MRPL18: variants seen among roughly 807,000 people sequenced by gnomAD.
The protein encoded by MRPL18 is large ribosomal subunit protein uL18m.
Under a neutral mutation model 20.9 loss-of-function variants are expected in MRPL18, and 16 were observed. The ratio of observed to expected loss-of-function variants is 0.76; its 90% CI spans 0.52 to 1.16. The LOEUF (loss-of-function observed/expected upper bound fraction) is 1.16, where lower values mean the gene tolerates loss of function less well. Ranked by LOEUF, MRPL18 falls within the 50% of genes most tolerant of loss-of-function variation. MRPL18 has a pLI of 0.00. For missense variants in MRPL18, 233 were observed against 230.6 expected (o/e 1.01, Z -0.07); for synonymous variants, 91 against 87.1 (o/e 1.04, Z -0.25).
chr6:159,797,430 T>C lies in MRPL18; in HGVS notation c.383T>C (p.Ile128Thr). The stretch of plus-strand genomic sequence containing the variant: ...AGAAATGTGGTGGCTTGTGAGAGTA[T>C]AGGACGAGTGCTGGCACAGAGATGC... ...STRNVVACES[I>T]GRVLAQRCLE... Residue 128 changes from isoleucine to threonine, a missense_variant, in exon 3 of 4, where the codon ATA (isoleucine) becomes ACA (threonine). Physicochemically the swap from Ile to Thr is moderately conservative, Grantham distance 89. Coordinates refer to ENST00000367034, the MANE Select transcript of MRPL18 (RefSeq NM_014161.5). The C allele has an allele frequency of 1.2e-6, 2 of 1,614,148 alleles. No homozygotes were observed. The highest frequency in any genetic ancestry group is 1.7e-6 in the Non-Finnish European group (2 of 1,180,022).
chr6:159,790,598 G>C lies in MRPL18; in HGVS notation c.11G>C (p.Arg4Pro). 6.5e-7 allele frequency: 1 copy of C among 1,546,572 alleles called. No individual in the cohort carries two copies. The highest frequency in any genetic ancestry group is 8.7e-7 in the Non-Finnish European group (1 of 1,145,804). Residue 4 changes from arginine (R) to proline (P), a missense_variant, in exon 1 of 4, where the codon CGG (arginine) becomes CCG (proline). Arg to Pro is a moderately radical substitution (Grantham distance 103). Coordinates refer to ENST00000367034, the MANE Select transcript of MRPL18 (RefSeq NM_014161.5). ...GAGATCGTCTCAGCGATGGCGCTTC[G>C]GTCGCGGTTTTGGGGGTTGTTCTCG... is the stretch of plus-strand genomic sequence containing the variant. MAL[R>P]SRFWGLFSVC...
chr6:159,790,408 CTT>C, upstream of MRPL18: 1 of 721,062 alleles, frequency 1.4e-6, no homozygotes, highest in Non-Finnish European at 2.3e-6. Flanking sequence ...AACAGATCGC[CTT>C]CTCGGCCACT....
intron 2 of MRPL18, among the ~76,000 whole-genome samples, chr6:159,796,681 G>T (rs1781036619): frequency 6.6e-6 from 1 of 152,118 alleles, no homozygotes; most frequent in Non-Finnish European, 1.5e-5. Context: ...CTACTTGGGA[G>T]ACTAAGGCAG....
intron 2 of MRPL18, among the ~76,000 whole-genome samples, chr6:159,795,452 TCTTAACGAGCATG>T (rs201793535): frequency 0.22 from 33,240 of 151,934 alleles, 3,723 homozygotes; most frequent in East Asian, 0.4. Context: ...TGGTGATGAC[TCTTAACGAGCATG>T]CTGCCTTCAA....
At position 159,797,370 on chromosome 6, in the gene MRPL18, G is replaced by T; in HGVS notation, c.323G>T (p.Arg108Leu). The T allele has an allele frequency of 1.2e-6, 2 of 1,614,170 alleles. No homozygotes were observed. ...AAGGTTGTGGTTTCGGCCTCCACTC[G>T]TGAGTGGGCTATTAAAAAGCACCTT... is the stretch of plus-strand genomic sequence containing the variant. ...NGKVVVSAST[R>L]EWAIKKHLYS... The change falls in exon 3 of 4, where the codon CGT (arginine) becomes CTT (leucine). Residue 108 changes from arginine (R) to leucine (L), a missense_variant. Arg to Leu is a moderately radical substitution (Grantham distance 102). Coordinates refer to ENST00000367034, the MANE Select transcript of MRPL18 (RefSeq NM_014161.5).
At chr6:159,790,915 C>T (rs1353520739) in intron 1 of MRPL18, 25 bp from the exon 2 acceptor site, 2 of 1,613,182 alleles carry the variant, frequency 1.2e-6, no homozygotes, top group African/African-American at 1.3e-5. Flanking sequence ...TTTTTAAGCC[C>T]TGTGCGGTTT....
chr6:159,791,177 T>A (rs1780885582), intron 2 of MRPL18, 51 bp downstream of exon 2: 1 of 1,592,822 alleles, frequency 6.3e-7, no homozygotes, highest in Non-Finnish European at 8.6e-7. Context: ...TACAGACTAT[T>A]TTCATTCATT....
intron 2 of MRPL18, among the ~76,000 whole-genome samples, chr6:159,794,449 T>A (rs1780982957): frequency 1.3e-5 from 2 of 152,246 alleles, no homozygotes; most frequent in South Asian, 4.1e-4. Flanking sequence ...CTATAAACCG[T>A]TAAGACAGGC....
At chr6:159,790,227 G>A (rs9365097), upstream of MRPL18, among the ~76,000 whole-genome samples, 107,032 of 152,018 alleles carry the variant, frequency 0.7, 38,563 homozygotes, top group South Asian at 0.79. Context: ...TGGACCAGTC[G>A]ATGACCGCCC....
Position 159,790,887 on chromosome 6 carries a change from C to G in MRPL18, c.53-53C>G, listed in dbSNP as rs1780865570. 9 of 1,597,054 alleles carry G rather than the reference C, an allele frequency of 5.6e-6. No homozygotes were observed. The Admixed American group carries it at 1.2e-4, about 21-fold the overall frequency. On this transcript the variant is annotated intron_variant, in intron 1 of 3. Transcript: ENST00000367034. ...GGATAGACGTTAGAGCGGGTTCGTGCGCTGTCCATATCCGTCATTTTTAAG... is the reference window on the plus strand; with the variant it reads ...GGATAGACGTTAGAGCGGGTTCGTGGGCTGTCCATATCCGTCATTTTTAAG...
upstream of MRPL18, chr6:159,790,423 G>A: frequency 1.3e-6 from 1 of 795,118 alleles, no homozygotes; most frequent in South Asian, 1.7e-5. Flanking sequence ...CGGCCACTCA[G>A]TGGCAGGGGA....
chr6:159,791,260 A>G (rs575763511), intron 2 of MRPL18, 134 bp downstream of exon 2: 2 of 1,006,614 alleles, frequency 2.0e-6, no homozygotes, highest in African/African-American at 3.2e-5. Flanking sequence ...GCTGGAACAA[A>G]CAACAAATAG....
chr6:159,793,829 G>A lies in MRPL18; in HGVS notation c.239+2703G>A, dbSNP rs1018077450. 3.3e-5 allele frequency among the ~76,000 whole-genome samples: 5 copies of A among 152,026 alleles called. No individual in the cohort carries two copies. The East Asian group carries it at 9.7e-4, about 29-fold the overall frequency. On this transcript the variant is annotated intron_variant, in intron 2 of 3. Transcript: ENST00000367034. The stretch of plus-strand genomic sequence containing the variant: ...AGGGAGGCTGAGACAGGAGAGTGGC[G>A]TGAACCTGGGAGGCGGAGCTTGCAG...
chr6:159,790,611 G>A lies in MRPL18; in HGVS notation c.24G>A (p.Trp8Ter). 1 of 1,537,468 alleles carries A rather than the reference G, an allele frequency of 6.5e-7. No individual in the cohort carries two copies. Among genetic ancestry groups the A allele is most frequent in the East Asian group, 2.3e-5 (1 of 43,016 alleles). ...CGATGGCGCTTCGGTCGCGGTTTTGGGGGTTGTTCTCGGTTTGCAGGAACC... is the reference window on the plus strand; with the variant it reads ...CGATGGCGCTTCGGTCGCGGTTTTGAGGGTTGTTCTCGGTTTGCAGGAACC... MALRSRF[W>*]GLFSVCRNPG... is the part of the protein sequence containing the mutation. Residue 8 changes from tryptophan to a stop codon, truncating the protein, a stop_gained, in exon 1 of 4, where the codon TGG becomes TGA. Transcript: ENST00000367034. LOFTEE classifies it high-confidence loss of function.
chr6:159,793,798 GCTA>G (rs1342930840), intron 2 of MRPL18, among the ~76,000 whole-genome samples: 2 of 152,128 alleles, frequency 1.3e-5, no homozygotes, highest in Admixed American at 1.3e-4. Flanking sequence ...TGTAGTCCCA[GCTA>G]CTAGGGAGGC....
At chr6:159,794,221 C>T (rs575326625) in intron 2 of MRPL18, among the ~76,000 whole-genome samples, 4 of 152,326 alleles carry the variant, frequency 2.6e-5, no homozygotes, top group African/African-American at 9.6e-5. Flanking sequence ...TTCTTCACCA[C>T]CACCCTCAAC....
At chr6:159,796,495 T>A (rs1388366490) in intron 2 of MRPL18, among the ~76,000 whole-genome samples, 69 of 145,324 alleles carry the variant, frequency 4.7e-4, no homozygotes, top group Non-Finnish European at 6.5e-4. Flanking sequence ...AAAAAAAAAA[T>A]GGCCATATGA....
intron 2 of MRPL18, 73 bp downstream of exon 2, chr6:159,791,199 A>G: frequency 1.9e-6 from 3 of 1,548,046 alleles, no homozygotes; most frequent in Non-Finnish European, 2.6e-6. Context: ...AACTCCAGGC[A>G]CTCTCCCAGG....
chr6:159,791,082 G>A lies in MRPL18; in HGVS notation c.195G>A (p.Glu65=), dbSNP rs540253050. The A allele has an allele frequency of 8.9e-5, 144 of 1,614,114 alleles. No individual in the cohort carries two copies. Among genetic ancestry groups the A allele is most frequent in the Non-Finnish European group, 1.1e-4 (132 of 1,180,048 alleles). The change falls in exon 2 of 4, where the codon GAG becomes GAA. Residue 65 remains glutamate (E), a synonymous_variant. Coordinates refer to ENST00000367034, the MANE Select transcript of MRPL18 (RefSeq NM_014161.5). The part of the protein sequence containing the change: ...NLELLSVARK[E]RGWRTVFPSR... ...AGCTTTTATCTGTAGCCAGGAAAGA[G>A]CGGGGCTGGCGGACGGTGTTTCCCT...
Sources: gnomAD v4.1 joint callset for allele counts (sites outside exome capture counted in the v4.1 genomes callset) on GRCh38, gnomAD v4.1.1 for gene constraint, MANE v1.5 for transcripts, NCBI Gene and HGNC (gene_info 2026-07-23, HGNC 2026-07-21) for gene names.